Variants in SYTL3 observed in about 807,000 individuals in gnomAD.
The protein encoded by SYTL3 is synaptotagmin like 3, also known as synaptotagmin-like protein 3.
A neutral mutation model predicts 82.1 loss-of-function variants in SYTL3; 88 were observed. That is an observed-to-expected ratio of 1.07 (90% CI 0.90 to 1.28). The LOEUF (loss-of-function observed/expected upper bound fraction) is 1.28, where lower values mean the gene tolerates loss of function less well. SYTL3 is among the 50% of genes most tolerant of loss of function. The probability of loss-of-function intolerance (pLI) is 0.00; values close to 1 mark genes in which losing one functional copy is unlikely to be tolerated. For synonymous variants in SYTL3, 311 were observed against 289.4 expected, an observed-to-expected ratio of 1.07 and a Z score of -0.76; for missense variants, 831 against 757.6, an observed-to-expected ratio of 1.10 and a Z score of -1.14.
At chr6:158,675,831 TC>T (rs1211313001) in intron 5 of SYTL3, among the ~76,000 whole-genome samples, 2 of 152,074 alleles carry the variant, frequency 1.3e-5, no homozygotes, top group Non-Finnish European at 2.9e-5. Flanking sequence ...GCACCTGTAG[TC>T]CCAGCTGCTC....
intron 4 of SYTL3, among the ~76,000 whole-genome samples, chr6:158,663,846 T>C (rs1400652684): frequency 6.6e-6 from 1 of 152,158 alleles, no homozygotes; most frequent in Non-Finnish European, 1.5e-5. Context: ...TTTTTTTCTT[T>C]GCTCGCTTTT....
At chr6:158,674,195 C>T (rs1166768451) in intron 5 of SYTL3, among the ~76,000 whole-genome samples, 1 of 151,994 alleles carries the variant, frequency 6.6e-6, no homozygotes, top group African/African-American at 2.4e-5. Context: ...TGGCAAGTGT[C>T]TCTGCCAAGT....
chr6:158,702,326 C>CA (rs1193990568), intron 6 of SYTL3, among the ~76,000 whole-genome samples: 6,606 of 69,934 alleles, frequency 0.094, 217 homozygotes, highest in Middle Eastern at 0.12. Context: ...GACTCTGTCT[C>CA]AAAAAAAAAA....
intron 11 of SYTL3, among the ~76,000 whole-genome samples, chr6:158,728,820 C>T (rs1583399057): frequency 6.6e-6 from 1 of 152,234 alleles, no homozygotes; most frequent in East Asian, 1.9e-4. Context: ...CCACTGCACT[C>T]CAGCCTGGGT....
intron 10 of SYTL3, among the ~76,000 whole-genome samples, chr6:158,720,292 T>G (rs1262746999): frequency 6.7e-6 from 1 of 148,364 alleles, no homozygotes; most frequent in Non-Finnish European, 1.5e-5. Context: ...TCCCAACTAC[T>G]CAGGAGGCCG....
rs574651307 is a variant in SYTL3, at chr6:158,650,372, T to C, written c.-727+294T>C. On this transcript the variant is annotated intron_variant, in intron 1 of 17. Transcript: ENST00000611299. ...CAAAAGCTATATGGTGTGATTTTTT[T>C]TTTTAAAGGGTAGAGTGTCATTTGC... Among the ~76,000 whole-genome samples, 7 of 152,302 alleles carry C rather than the reference T, an allele frequency of 4.6e-5. No individual in the cohort carries two copies. The South Asian group carries it at 1.4e-3, about 32-fold the overall frequency.
intron 11 of SYTL3, among the ~76,000 whole-genome samples, chr6:158,738,822 T>C (rs184035979): frequency 6.6e-6 from 1 of 152,318 alleles, no homozygotes; most frequent in East Asian, 1.9e-4. Flanking sequence ...CGTGCCCAGC[T>C]AATTTTTGTA....
At chr6:158,726,726 C>A in intron 11 of SYTL3, 1 of 244,632 alleles carries the variant, frequency 4.1e-6, no homozygotes, top group South Asian at 7.0e-5. Flanking sequence ...TCTAATTTCC[C>A]ATACTGTGAC....
At chr6:158,649,707 C>A (rs9346761), upstream of SYTL3, among the ~76,000 whole-genome samples, 40,399 of 152,172 alleles carry the variant, frequency 0.27, 6,297 homozygotes, top group East Asian at 0.67. Context: ...GTCATTTACA[C>A]TGAAGTCAAT....
chr6:158,715,054 G>C (rs1379974498), intron 9 of SYTL3, among the ~76,000 whole-genome samples: 3 of 152,192 alleles, frequency 2.0e-5, no homozygotes, highest in Non-Finnish European at 4.4e-5. Context: ...CTCTCTGACA[G>C]TAACCCCTGC....
chr6:158,725,104 C>T (rs1187974290), intron 10 of SYTL3, among the ~76,000 whole-genome samples: 1 of 149,968 alleles, frequency 6.7e-6, no homozygotes, highest in Non-Finnish European at 1.5e-5. Context: ...TTGATTTTTC[C>T]CTTTTTATAA....
chr6:158,755,983 A>G (rs1789007246), intron 13 of SYTL3, among the ~76,000 whole-genome samples: 2 of 152,202 alleles, frequency 1.3e-5, no homozygotes, highest in South Asian at 4.1e-4. Context: ...TTTGAATTAT[A>G]CTGACCTCAT....
Position 158,715,599 on chromosome 6 carries a change from T to TCACACACACACA in SYTL3, c.595+1727_595+1738dup, listed in dbSNP as rs72372107. Among the ~76,000 whole-genome samples the TCACACACACACA allele has an allele frequency of 2.8e-3, 330 of 116,512 alleles. 3 individuals are homozygous for TCACACACACACA. Among genetic ancestry groups the TCACACACACACA allele is most frequent in the South Asian group, 8.1e-3 (26 of 3,206 alleles). 76.4% of individuals were successfully genotyped at this position (116,512 alleles called of 152,430 possible). On this transcript the variant is annotated intron_variant, in intron 9 of 17. Coordinates refer to ENST00000611299, the MANE Select transcript of SYTL3 (RefSeq NM_001242394.2). ...ATATGGAAAGCAGACTGAAACCGCATCACACACACACACACACGCACGCAC... is the reference window on the plus strand; with the variant it reads ...ATATGGAAAGCAGACTGAAACCGCATCACACACACACACACACACACACACACACGCACGCAC...
At chr6:158,723,400 A>G (rs985500731) in intron 10 of SYTL3, among the ~76,000 whole-genome samples, 6 of 152,128 alleles carry the variant, frequency 3.9e-5, no homozygotes, top group African/African-American at 1.4e-4. Context: ...TAAGGCTTTT[A>G]GTTCATGCTG....
At chr6:158,683,112 C>A in intron 6 of SYTL3, 123 bp downstream of exon 6, 1 of 664,368 alleles carries the variant, frequency 1.5e-6, no homozygotes, top group African/African-American at 1.8e-5. Flanking sequence ...CTATGTCTTG[C>A]CATTCCATTT....
At chr6:158,760,803 C>A in intron 15 of SYTL3, 58 bp downstream of exon 15, 1 of 1,407,738 alleles carries the variant, frequency 7.1e-7, no homozygotes, top group Non-Finnish European at 1.0e-6. Flanking sequence ...GAGCCTGGTG[C>A]TGCAGGCAGA....
intron 6 of SYTL3, among the ~76,000 whole-genome samples, chr6:158,685,199 T>A (rs951064465): frequency 7.5e-6 from 1 of 133,660 alleles, no homozygotes; most frequent in East Asian, 2.0e-4. Context: ...ATTGCTTTTA[T>A]GTCTCTCTCT....
chr6:158,677,481 C>G (rs317791), intron 5 of SYTL3, among the ~76,000 whole-genome samples: 9,681 of 152,024 alleles, frequency 0.064, 383 homozygotes, highest in Middle Eastern at 0.12. Context: ...AGCACAACAT[C>G]ATGGCACATG....
intron 6 of SYTL3, among the ~76,000 whole-genome samples, chr6:158,702,346 A>AAAT (rs1781409651): frequency 7.3e-6 from 1 of 136,632 alleles, no homozygotes; most frequent in African/African-American, 2.8e-5. Flanking sequence ...AAAAAAAAAA[A>AAAT]TTTTTTTTTT....
Sources: allele counts gnomAD v4.1 joint callset (sites outside exome capture counted in the v4.1 genomes callset), GRCh38; gene constraint gnomAD v4.1.1; transcripts MANE v1.5; gene names NCBI Gene and HGNC (gene_info 2026-07-23, HGNC 2026-07-21).